RELN: variants seen among roughly 807,000 people sequenced by gnomAD.
The protein encoded by RELN is reelin.
RELN carries 108 observed loss-of-function variants against 427.6 expected under a neutral mutation model. The observed-to-expected ratio is 0.25, with a 90% confidence interval of 0.22 to 0.30. RELN has a LOEUF of 0.30. RELN is among the 10% of genes least tolerant of loss of function. The pLI, the probability that RELN is intolerant of heterozygous loss-of-function variation, is 1.00. For synonymous variants in RELN, 1,524 were observed against 1,513.4 expected, an observed-to-expected ratio of 1.01 and a Z score of -0.16; for missense variants, 3,715 against 4,302.8, an observed-to-expected ratio of 0.86 and a Z score of 3.82.
At chr7:103,749,301 A>G (rs1271882862) in intron 6 of RELN, 125 bp downstream of exon 6, 3 of 782,424 alleles carry the variant, frequency 3.8e-6, no homozygotes, top group Non-Finnish European at 4.6e-6. Context: ...CCATAGCTTA[A>G]CAAGTCTCAC....
At chr7:103,831,724 C>T (rs75856231) in intron 3 of RELN, among the ~76,000 whole-genome samples, 4,051 of 152,150 alleles carry the variant, frequency 0.027, 65 homozygotes, top group Middle Eastern at 0.048. Context: ...TCAGGAGGTG[C>T]GTGCCAAGGG....
At chr7:103,829,652 G>A (rs1351823225) in intron 3 of RELN, among the ~76,000 whole-genome samples, 1 of 151,748 alleles carries the variant, frequency 6.6e-6, no homozygotes, top group Non-Finnish European at 1.5e-5. Context: ...TCTCCTCTAT[G>A]TCTCTCACTT....
chr7:103,666,680 G>A (rs1007412820), intron 11 of RELN, among the ~76,000 whole-genome samples: 2 of 152,144 alleles, frequency 1.3e-5, no homozygotes, highest in East Asian at 3.9e-4. Context: ...TTGCGTTTGT[G>A]AGCATCTTGG....
intron 19 of RELN, among the ~76,000 whole-genome samples, 170 bp downstream of exon 19, chr7:103,635,255 G>A (rs992833071): frequency 6.6e-6 from 1 of 152,134 alleles, no homozygotes; most frequent in African/African-American, 2.4e-5. Context: ...AGAAGTCAGT[G>A]GGACAAATGG....
At chr7:103,572,107 C>T (rs1370593358) in intron 31 of RELN, 77 bp downstream of exon 31, 1 of 846,070 alleles carries the variant, frequency 1.2e-6, no homozygotes, top group Non-Finnish European at 2.1e-6. Context: ...TTTTCAAAAT[C>T]CTGGCCAAAC....
intron 2 of RELN, among the ~76,000 whole-genome samples, chr7:103,834,046 A>G (rs1455902616): frequency 1.3e-5 from 2 of 152,134 alleles, no homozygotes; most frequent in Non-Finnish European, 2.9e-5. Context: ...ATCTCAGTAA[A>G]AGGATGTCAG....
chr7:103,484,125 C>T (rs552822903), intron 61 of RELN: 17 of 427,206 alleles, frequency 4.0e-5, no homozygotes, highest in African/African-American at 8.0e-5. Context: ...GGTGATCCAC[C>T]CACCTCGGCC....
Position 103,700,536 on chromosome 7 carries a change from G to A in RELN, c.902+374C>T, listed in dbSNP as rs554317456. Among the ~76,000 whole-genome samples, 65 of 152,174 alleles carry A rather than the reference G, an allele frequency of 4.3e-4. 1 individual carries two copies. The highest frequency in any genetic ancestry group is 2.9e-5 in the Non-Finnish European group (2 of 67,980). On this transcript the variant is annotated intron_variant, in intron 9 of 64. Transcript: ENST00000428762. The stretch of plus-strand genomic sequence containing the variant: ...ACTCAATATCATCACAGACTGGAAG[G>A]GATTTAAGTAGTCATCTGATGTATT...
intron 1 of RELN, among the ~76,000 whole-genome samples, chr7:103,979,830 G>A (rs901719840): frequency 6.6e-6 from 1 of 152,146 alleles, no homozygotes; most frequent in Non-Finnish European, 1.5e-5. Context: ...TCCTATATAA[G>A]TTCTATTAGT....
intron 5 of RELN, among the ~76,000 whole-genome samples, chr7:103,749,985 T>C (rs541650311): frequency 2.6e-5 from 4 of 152,226 alleles, no homozygotes; most frequent in African/African-American, 9.6e-5. Context: ...TTGATGGTTT[T>C]TTTTTATTTT....
chr7:103,673,387 C>A (rs1386833041), intron 11 of RELN, among the ~76,000 whole-genome samples: 1 of 152,054 alleles, frequency 6.6e-6, no homozygotes, highest in Non-Finnish European at 1.5e-5. Context: ...AGAACTTGGG[C>A]AGTATTTTAT....
Position 103,646,750 on chromosome 7 carries a change from T to A in RELN, c.2002+3524A>T, listed in dbSNP as rs183267590. 1.9e-3 allele frequency among the ~76,000 whole-genome samples: 285 copies of A among 152,126 alleles called. 1 individual carries two copies. The highest frequency in any genetic ancestry group is 6.8e-3 in the Middle Eastern group (2 of 294). On this transcript the variant is annotated intron_variant, in intron 16 of 64. Transcript: ENST00000428762. ...ACTGTTCCAAAAACTGAGGAGGGAATCCTTCATAACTCATTCTATGAAGTC... is the reference window on the plus strand; with the variant it reads ...ACTGTTCCAAAAACTGAGGAGGGAAACCTTCATAACTCATTCTATGAAGTC...
intron 8 of RELN, among the ~76,000 whole-genome samples, chr7:103,712,109 C>A (rs148494392): frequency 5.3e-5 from 8 of 152,238 alleles, no homozygotes; most frequent in African/African-American, 1.9e-4. Flanking sequence ...CTGGAGAATC[C>A]TAAAGAGCTT....
chr7:103,913,019 A>G (rs761318006), intron 2 of RELN, among the ~76,000 whole-genome samples: 4 of 152,136 alleles, frequency 2.6e-5, no homozygotes, highest in Non-Finnish European at 4.4e-5. Context: ...GAGGTATTTC[A>G]AATCAGGCAT....
intron 10 of RELN, among the ~76,000 whole-genome samples, chr7:103,691,972 A>C (rs1211998365): frequency 6.6e-6 from 1 of 152,136 alleles, no homozygotes; most frequent in African/African-American, 2.4e-5. Context: ...GGACACTGAG[A>C]GGTTAAATAG....
intron 63 of RELN, among the ~76,000 whole-genome samples, chr7:103,479,970 A>T (rs1828173178): frequency 6.6e-6 from 1 of 152,228 alleles, no homozygotes. Flanking sequence ...TCACTTAAAA[A>T]AAGAAGTATA....
chr7:103,688,784 A>G (rs941320150), intron 10 of RELN, among the ~76,000 whole-genome samples: 6 of 152,148 alleles, frequency 3.9e-5, no homozygotes, highest in East Asian at 1.9e-4. Context: ...TGGCAAATGC[A>G]TAAGGTACAA....
intron 1 of RELN, among the ~76,000 whole-genome samples, chr7:103,960,505 T>G (rs1008657964): frequency 6.6e-6 from 1 of 152,206 alleles, no homozygotes; most frequent in African/African-American, 2.4e-5. Flanking sequence ...ACTATATATT[T>G]TATCGTATTT....
chr7:103,808,531 G>A (rs1224425214), intron 3 of RELN, among the ~76,000 whole-genome samples: 8 of 150,836 alleles, frequency 5.3e-5, no homozygotes, highest in African/African-American at 1.9e-4. Context: ...TTATGAAAGA[G>A]ATCAATACAA....
Sources: allele counts gnomAD v4.1 joint callset (sites outside exome capture counted in the v4.1 genomes callset), GRCh38; gene constraint gnomAD v4.1.1; transcripts MANE v1.5; gene names NCBI Gene and HGNC (gene_info 2026-07-23, HGNC 2026-07-21).